Variants in CDH20 observed in about 807,000 individuals in gnomAD.
CDH20 encodes cadherin 20, also known as cadherin-20.
CDH20 carries 29 observed loss-of-function variants against 74.2 expected under a neutral mutation model. The observed-to-expected ratio is 0.39, with a 90% confidence interval of 0.29 to 0.53. CDH20 has a LOEUF of 0.53. Among genes scored for constraint, CDH20 ranks in the 20% least tolerant of loss-of-function variants. The pLI, the probability that CDH20 is intolerant of heterozygous loss-of-function variation, is 0.69. For synonymous variants in CDH20, 469 were observed against 405.4 expected (o/e 1.16, Z -1.88); for missense variants, 988 against 1,048.3 (o/e 0.94, Z 0.79).
At chr18:61,379,473 A>C (rs1911360835) in intron 1 of CDH20, among the ~76,000 whole-genome samples, 1 of 152,208 alleles carries the variant, frequency 6.6e-6, no homozygotes, top group Non-Finnish European at 1.5e-5. Flanking sequence ...ACAAACTTAG[A>C]GTCTTTTCTC....
At chr18:61,435,442 A>G (rs1908799815) in intron 1 of CDH20, among the ~76,000 whole-genome samples, 1 of 152,146 alleles carries the variant, frequency 6.6e-6, no homozygotes, top group South Asian at 2.1e-4. Flanking sequence ...CGTCACAGAG[A>G]AAAATGCTTC....
At chr18:61,461,413 G>A (rs1909768846) in intron 1 of CDH20, among the ~76,000 whole-genome samples, 1 of 151,578 alleles carries the variant, frequency 6.6e-6, no homozygotes, top group Non-Finnish European at 1.5e-5. Context: ...GGAGGACCAT[G>A]CTCCCTCCAC....
Position 61,456,031 on chromosome 18 carries a change from T to C in CDH20, c.-152-34371T>C, listed in dbSNP as rs550065637. On this transcript the variant is annotated intron_variant, in intron 1 of 11. Transcript: ENST00000262717. The stretch of plus-strand genomic sequence containing the variant: ...ACCCCCTTCACTGTAGAATTTACCC[T>C]ACAGAGTTCTAAAAAATGAACTCTC... Among the ~76,000 whole-genome samples the C allele has an allele frequency of 4.6e-5, 7 of 152,338 alleles. No homozygotes were observed. In the East Asian group the frequency reaches 1.2e-3, roughly 25 times the overall value.
At position 61,507,626 on chromosome 18, in the gene CDH20, G is replaced by GTAAA; in HGVS notation, c.1017+66_1017+67insTAAA. On this transcript the variant is annotated intron_variant, in intron 6 of 11. Coordinates refer to ENST00000262717, the MANE Select transcript of CDH20 (RefSeq NM_031891.4). ...TTGAATGTTTATGAAATGCTAGTAA[G>GTAAA]GACTGTTGTATTATTGATATGCATT... The GTAAA allele has an allele frequency of 5.8e-6, 7 of 1,201,172 alleles. No individual in the cohort carries two copies. The South Asian group carries it at 1.1e-4, about 18-fold the overall frequency. 74.4% of individuals were successfully genotyped at this position (1,201,172 alleles called of 1,614,324 possible).
chr18:61,338,417 T>C (rs1050764048), intron 1 of CDH20, among the ~76,000 whole-genome samples: 1 of 152,164 alleles, frequency 6.6e-6, no homozygotes, highest in African/African-American at 2.4e-5. Context: ...TACATATGGA[T>C]TAACTTAATT....
chr18:61,483,774 A>T (rs1045801924), intron 1 of CDH20, among the ~76,000 whole-genome samples: 3 of 152,168 alleles, frequency 2.0e-5, no homozygotes, highest in African/African-American at 7.2e-5. Flanking sequence ...TTTCTCACTT[A>T]ATTACAATCA....
At chr18:61,473,629 T>C (rs1016713286) in intron 1 of CDH20, among the ~76,000 whole-genome samples, 18 of 152,244 alleles carry the variant, frequency 1.2e-4, no homozygotes, top group Non-Finnish European at 2.4e-4. Context: ...TAACTGGTAA[T>C]GCAGTTTCCA....
intron 1 of CDH20, among the ~76,000 whole-genome samples, chr18:61,433,566 A>C (rs1268500418): frequency 4.6e-5 from 7 of 152,164 alleles, no homozygotes; most frequent in Non-Finnish European, 8.8e-5. Flanking sequence ...GGCCAATGAT[A>C]TCCTTGGATA....
Position 61,342,815 on chromosome 18 carries a change from C to G in CDH20, c.-153+8988C>G, listed in dbSNP as rs551739300. On this transcript the variant is annotated intron_variant, in intron 1 of 11. Transcript: ENST00000262717. Reference sequence around the variant, plus strand: ...ATGTAGATAGTTCCCATGGTTACATCAGCCACATTATATATGATTTGTAAA... The same window carrying G: ...ATGTAGATAGTTCCCATGGTTACATGAGCCACATTATATATGATTTGTAAA... Among the ~76,000 whole-genome samples the G allele has an allele frequency of 5.9e-5, 9 of 152,300 alleles. No individual in the cohort carries two copies. In the South Asian group the frequency reaches 1.9e-3, roughly 32 times the overall value.
At chr18:61,510,391 G>A (rs1035459285) in intron 6 of CDH20, among the ~76,000 whole-genome samples, 1 of 152,140 alleles carries the variant, frequency 6.6e-6, no homozygotes, top group African/African-American at 2.4e-5. Flanking sequence ...GCTGCTACAG[G>A]TCAAATAAGA....
intron 1 of CDH20, among the ~76,000 whole-genome samples, chr18:61,404,132 C>T (rs941383076): frequency 8.5e-5 from 13 of 152,146 alleles, no homozygotes; most frequent in African/African-American, 3.1e-4. Flanking sequence ...GGCTTAATAC[C>T]TATGATGGAT....
At chr18:61,366,807 T>TA (rs933943351) in intron 1 of CDH20, among the ~76,000 whole-genome samples, 8 of 152,092 alleles carry the variant, frequency 5.3e-5, no homozygotes, top group African/African-American at 1.4e-4. Flanking sequence ...AGAGACGTTG[T>TA]AAAAAAATCT....
At chr18:61,463,012 G>A (rs118050366) in intron 1 of CDH20, among the ~76,000 whole-genome samples, 1 of 152,274 alleles carries the variant, frequency 6.6e-6, no homozygotes, top group Non-Finnish European at 1.5e-5. Flanking sequence ...TCAACATATT[G>A]TAGTAAACAA....
intron 1 of CDH20, among the ~76,000 whole-genome samples, chr18:61,406,253 C>T (rs1442121283): frequency 6.6e-6 from 1 of 152,156 alleles, no homozygotes; most frequent in Non-Finnish European, 1.5e-5. Flanking sequence ...TCGTTAAATA[C>T]AGAGACTGCT....
At chr18:61,383,940 C>T (rs989745716) in intron 1 of CDH20, among the ~76,000 whole-genome samples, 2 of 152,044 alleles carry the variant, frequency 1.3e-5, no homozygotes, top group South Asian at 4.2e-4. Flanking sequence ...CCTGAAGATC[C>T]CATATATGAG....
chr18:61,370,205 T>G (rs1281181809), intron 1 of CDH20, among the ~76,000 whole-genome samples: 2 of 152,132 alleles, frequency 1.3e-5, no homozygotes, highest in African/African-American at 4.8e-5. Context: ...ATTTTCTTAG[T>G]AAGTCCTTTG....
At chr18:61,410,939 G>A (rs1912474106) in intron 1 of CDH20, among the ~76,000 whole-genome samples, 1 of 152,168 alleles carries the variant, frequency 6.6e-6, no homozygotes, top group African/African-American at 2.4e-5. Flanking sequence ...GGTGGCTCAC[G>A]CCTGTAATCC....
intron 1 of CDH20, among the ~76,000 whole-genome samples, chr18:61,481,667 T>G (rs541247536): frequency 6.6e-6 from 1 of 152,206 alleles, no homozygotes; most frequent in Non-Finnish European, 1.5e-5. Context: ...TTATATGGCA[T>G]CAGATGCCAT....
intron 1 of CDH20, among the ~76,000 whole-genome samples, chr18:61,375,490 T>A (rs1352424569): frequency 1.3e-5 from 2 of 152,160 alleles, no homozygotes; most frequent in Non-Finnish European, 1.5e-5. Context: ...CAATCCTTCG[T>A]GCTACTTCGT....
Sources: gnomAD v4.1 joint callset for allele counts (sites outside exome capture counted in the v4.1 genomes callset) on GRCh38, gnomAD v4.1.1 for gene constraint, MANE v1.5 for transcripts, NCBI Gene and HGNC (gene_info 2026-07-23, HGNC 2026-07-21) for gene names.